Variants in PPA2 observed in about 807,000 individuals in gnomAD.
PPA2 encodes inorganic pyrophosphatase 2, mitochondrial.
A neutral mutation model predicts 49.5 loss-of-function variants in PPA2; 48 were observed. That is an observed-to-expected ratio of 0.97 (90% CI 0.77 to 1.23). The LOEUF is 1.23. Among genes scored for constraint, PPA2 ranks in the 50% most tolerant of loss-of-function variants. The pLI is 0.00. For missense variants in PPA2, 429 were observed against 410.1 expected (o/e 1.05, Z -0.40); for synonymous variants, 131 against 139.9 (o/e 0.94, Z 0.45).
At chr4:105,389,669 A>C (rs901331746) in intron 9 of PPA2, among the ~76,000 whole-genome samples, 7 of 152,122 alleles carry the variant, frequency 4.6e-5, no homozygotes, top group African/African-American at 1.7e-4. Context: ...TAGACAGATA[A>C]TAGTGTTTTG....
In PPA2 at chr4:105,380,919, T is replaced by C. The variant is rs77294287; in HGVS notation, c.939+5648A>G. On this transcript the variant is annotated intron_variant, in intron 10 of 11. Coordinates refer to ENST00000341695, the MANE Select transcript of PPA2 (RefSeq NM_176869.3). ...GTAAGATGTGTACCTAGAAGGGTAA[T>C]TTCTGAGTAGTGAATTATAGGCATC... is the stretch of plus-strand genomic sequence containing the variant. 8.0e-3 allele frequency among the ~76,000 whole-genome samples: 1,222 copies of C among 152,222 alleles called. 4 individuals are homozygous for C. Among genetic ancestry groups the C allele is most frequent in the Non-Finnish European group, 0.013 (869 of 67,950 alleles).
At position 105,472,563 on chromosome 4, in the gene PPA2, C is replaced by T. The variant is rs1032500430; in HGVS notation, c.157+1331G>A. Among the ~76,000 whole-genome samples the T allele has an allele frequency of 3.3e-5, 5 of 152,318 alleles. No homozygotes were observed. The East Asian group carries it at 5.8e-4, about 18-fold the overall frequency. On this transcript the variant is annotated intron_variant, in intron 1 of 11. Transcript: ENST00000341695. ...TTCTGACTATTCCCATTAATCATCA[C>T]ATGGTAACCTTTTAGAACATAATCC...
At chr4:105,385,114 T>C (rs986901790) in intron 10 of PPA2, among the ~76,000 whole-genome samples, 2 of 152,216 alleles carry the variant, frequency 1.3e-5, no homozygotes, top group Admixed American at 1.3e-4. Flanking sequence ...TTGGCACATA[T>C]GTCAGCCCTC....
At chr4:105,395,899 G>A (rs72668208) in intron 9 of PPA2, among the ~76,000 whole-genome samples, 18,730 of 152,068 alleles carry the variant, frequency 0.12, 1,199 homozygotes, top group African/African-American at 0.15. Flanking sequence ...TGATCATGAT[G>A]AATAAGGAGG....
At chr4:105,388,297 C>A (rs1733762926) in intron 9 of PPA2, among the ~76,000 whole-genome samples, 1 of 151,692 alleles carries the variant, frequency 6.6e-6, no homozygotes, top group African/African-American at 2.4e-5. Context: ...ATCTGATAAC[C>A]CTACTTCTAA....
chr4:105,463,736 G>A (rs1339034710), intron 1 of PPA2, among the ~76,000 whole-genome samples: 1 of 152,228 alleles, frequency 6.6e-6, no homozygotes, highest in Non-Finnish European at 1.5e-5. Flanking sequence ...AGGGGCCAAG[G>A]TACAGCTTGG....
chr4:105,390,465 GA>G (rs34223568), intron 9 of PPA2, among the ~76,000 whole-genome samples: 64,041 of 149,114 alleles, frequency 0.43, 14,179 homozygotes, highest in East Asian at 0.68. Context: ...AAATTTACAA[GA>G]AAAAAAAAAC....
In PPA2 at chr4:105,389,895, G is replaced by T. The variant is rs187566769; in HGVS notation, c.870-3259C>A. ...GAGTTTATAGAAGGAAGTGACCTTG[G>T]AATAAATGTACACAAAGCCAAAACA... On this transcript the variant is annotated intron_variant, in intron 9 of 11. Coordinates refer to ENST00000341695, the MANE Select transcript of PPA2 (RefSeq NM_176869.3). Among the ~76,000 whole-genome samples, 6 of 152,200 alleles carry T rather than the reference G, an allele frequency of 3.9e-5. No individual in the cohort carries two copies. In the East Asian group the frequency reaches 7.7e-4, roughly 20 times the overall value.
chr4:105,444,179 T>C (rs979842576), intron 5 of PPA2, among the ~76,000 whole-genome samples: 2 of 152,120 alleles, frequency 1.3e-5, no homozygotes, highest in Non-Finnish European at 2.9e-5. Flanking sequence ...GAATGAACAG[T>C]TTGGTGAAGG....
chr4:105,417,837 G>A (rs1296763744), intron 7 of PPA2, among the ~76,000 whole-genome samples: 3 of 152,010 alleles, frequency 2.0e-5, no homozygotes, highest in African/African-American at 7.2e-5. Context: ...AAGGTCCAAG[G>A]CCACAAATAC....
intron 5 of PPA2, among the ~76,000 whole-genome samples, chr4:105,439,494 G>A (rs1199230497): frequency 6.6e-6 from 1 of 151,868 alleles, no homozygotes; most frequent in African/African-American, 2.4e-5. Context: ...TCTATTAACA[G>A]GCATTCATTC....
chr4:105,442,633 G>T (rs909226654), intron 5 of PPA2, among the ~76,000 whole-genome samples: 6 of 152,170 alleles, frequency 3.9e-5, no homozygotes, highest in Non-Finnish European at 8.8e-5. Flanking sequence ...AAGACGAGAT[G>T]AATTTTTGCC....
At chr4:105,380,721 G>T (rs910228578) in intron 10 of PPA2, among the ~76,000 whole-genome samples, 1 of 151,982 alleles carries the variant, frequency 6.6e-6, no homozygotes, top group Non-Finnish European at 1.5e-5. Context: ...TTTCTAAAAT[G>T]TAATACCATA....
intron 1 of PPA2, among the ~76,000 whole-genome samples, chr4:105,465,102 C>T (rs970830764): frequency 6.6e-6 from 1 of 152,142 alleles, no homozygotes; most frequent in African/African-American, 2.4e-5. Context: ...CCCTGAACCA[C>T]CATCCCACAT....
At chr4:105,407,435 T>G (rs1192025152) in intron 7 of PPA2, among the ~76,000 whole-genome samples, 4 of 152,228 alleles carry the variant, frequency 2.6e-5, no homozygotes, top group Admixed American at 2.6e-4. Context: ...TTTGACAGTT[T>G]CTTACAATGT....
intron 7 of PPA2, among the ~76,000 whole-genome samples, chr4:105,414,933 T>A (rs563620927): frequency 6.6e-6 from 1 of 152,170 alleles, no homozygotes; most frequent in East Asian, 1.9e-4. Flanking sequence ...AGGTAGGTCA[T>A]CCCATTGAGC....
intron 7 of PPA2, among the ~76,000 whole-genome samples, chr4:105,402,033 A>G (rs929000784): frequency 6.6e-6 from 1 of 152,198 alleles, no homozygotes; most frequent in Admixed American, 6.5e-5. Context: ...ATTTATGAGT[A>G]CAAAAAAGTG....
intron 1 of PPA2, among the ~76,000 whole-genome samples, chr4:105,463,206 C>G (rs1723164716): frequency 6.6e-6 from 1 of 152,138 alleles, no homozygotes; most frequent in Non-Finnish European, 1.5e-5. Context: ...GAAATCCAGG[C>G]TGATGTGGTC....
chr4:105,468,119 C>T (rs1454935084), intron 1 of PPA2, among the ~76,000 whole-genome samples: 1 of 152,202 alleles, frequency 6.6e-6, no homozygotes, highest in Non-Finnish European at 1.5e-5. Context: ...AACATAACCA[C>T]AGTCATACTT....
Sources: allele counts gnomAD v4.1 joint callset (sites outside exome capture counted in the v4.1 genomes callset), GRCh38; gene constraint gnomAD v4.1.1; transcripts MANE v1.5; gene names NCBI Gene and HGNC (gene_info 2026-07-23, HGNC 2026-07-21).